Variants in UGT1A10 observed in about 807,000 individuals in gnomAD.
The protein encoded by UGT1A10 is UDP glucuronosyltransferase family 1 member A10, also known as UDP-glucuronosyltransferase 1A10.
UGT1A10 carries 49 observed loss-of-function variants against 45.8 expected under a neutral mutation model. That is an observed-to-expected ratio of 1.07 (90% CI 0.85 to 1.36). The LOEUF (loss-of-function observed/expected upper bound fraction) is 1.36, where lower values mean the gene tolerates loss of function less well. UGT1A10 is among the 40% of genes most tolerant of loss of function. The pLI, the probability that UGT1A10 is intolerant of heterozygous loss-of-function variation, is 0.00. For synonymous variants in UGT1A10, 284 were observed against 249.7 expected (o/e 1.14, Z -1.29); for missense variants, 745 against 668.6 (o/e 1.11, Z -1.26).
At position 233,681,928 on chromosome 2, in the gene UGT1A10, A is replaced by C. The variant is rs758972626; in HGVS notation, c.855+44551A>C. 3.7e-6 allele frequency: 6 copies of C among 1,610,014 alleles called. No individual in the cohort carries two copies. In the African/African-American group the frequency reaches 8.0e-5, roughly 22 times the overall value. ...AATCCCAGCTGCTGGCTCTGGGCTG[A>C]AGTTCTCTGATGGCTCGTGCAGGGT... On this transcript the variant is annotated intron_variant, in intron 1 of 4. Coordinates refer to ENST00000344644, the MANE Select transcript of UGT1A10 (RefSeq NM_019075.4).
chr2:233,683,467 A>G (rs2074635741), intron 1 of UGT1A10, among the ~76,000 whole-genome samples: 1 of 152,064 alleles, frequency 6.6e-6, no homozygotes, highest in Non-Finnish European at 1.5e-5. Flanking sequence ...TACATTATAT[A>G]TATTTTCATA....
chr2:233,768,466 T>G (rs1161223448), intron 4 of UGT1A10, 27 bp downstream of exon 4: 2 of 1,605,760 alleles, frequency 1.2e-6, no homozygotes, highest in South Asian at 2.2e-5. Flanking sequence ...AGAAGAATAC[T>G]TTGGTCATGG....
intron 1 of UGT1A10, among the ~76,000 whole-genome samples, chr2:233,674,694 T>C (rs2074293293): frequency 6.6e-6 from 1 of 152,212 alleles, no homozygotes. Flanking sequence ...TATTAAAGAA[T>C]ATGGATGTAT....
chr2:233,682,042 G>T, intron 1 of UGT1A10: 1 of 1,614,092 alleles, frequency 6.2e-7, no homozygotes. Flanking sequence ...CCATGGATGG[G>T]AGCCACTGGT....
intron 1 of UGT1A10, among the ~76,000 whole-genome samples, chr2:233,650,308 G>A (rs1361771568): frequency 6.6e-6 from 1 of 152,156 alleles, no homozygotes; most frequent in Admixed American, 6.6e-5. Flanking sequence ...TCCATTGAAG[G>A]GTTTGTTCTT....
At chr2:233,642,155 T>C (rs889473372) in intron 1 of UGT1A10, among the ~76,000 whole-genome samples, 2 of 152,226 alleles carry the variant, frequency 1.3e-5, no homozygotes, top group African/African-American at 4.8e-5. Context: ...TTTGCCCCTT[T>C]GAGGCTATTT....
rs1559370464 is a variant in UGT1A10 at position 233,725,249 on chromosome 2, GGAGGCAGAGGCAGAGGAGGCAGAGGCA to G, written c.856-41768_856-41742del. Among the ~76,000 whole-genome samples, 7 of 48,520 alleles carry G rather than the reference GGAGGCAGAGGCAGAGGAGGCAGAGGCA, an allele frequency of 1.4e-4. 2 individuals carry two copies. The highest frequency in any genetic ancestry group is 4.8e-4 in the East Asian group (1 of 2,098). The allele number at this position is 48,520 out of a possible 152,430, so 31.8% of individuals were successfully genotyped here. On this transcript the variant is annotated intron_variant, in intron 1 of 4. Coordinates refer to ENST00000344644, the MANE Select transcript of UGT1A10 (RefSeq NM_019075.4). ...CAGAGGCAGAGGAGGCAGAGGCAGA[GGAGGCAGAGGCAGAGGAGGCAGAGGCA>G]GAGGCAGAGGCAGAGGCAGAGGCAG...
intron 1 of UGT1A10, chr2:233,719,249 T>C: frequency 1.2e-6 from 2 of 1,614,200 alleles, no homozygotes; most frequent in South Asian, 2.2e-5. Flanking sequence ...ACCTGAATGC[T>C]ACTTCCTTTG....
In UGT1A10 at chr2:233,769,425, C is replaced by T; in HGVS notation, c.1295+986C>T. ...TGTGCGTGTGCGTTTGTGCATGTGGCTGTGCTCATGTGTGGGTGCACACGT... is the reference window on the plus strand; with the variant it reads ...TGTGCGTGTGCGTTTGTGCATGTGGTTGTGCTCATGTGTGGGTGCACACGT... On this transcript the variant is annotated intron_variant, in intron 4 of 4. Transcript: ENST00000344644. The surrounding 1 kb of genome is among the most constrained non-coding windows in gnomAD (Gnocchi z 4.4). The T allele has an allele frequency of 6.7e-7, 1 of 1,487,732 alleles. No homozygotes were observed. Among genetic ancestry groups the T allele is most frequent in the Non-Finnish European group, 9.3e-7 (1 of 1,075,832 alleles). 92.2% of individuals were successfully genotyped at this position (1,487,732 alleles called of 1,614,324 possible). A position where few individuals can be genotyped will look rare whatever the true frequency, so the allele number is the denominator to read the frequency against.
intron 1 of UGT1A10, among the ~76,000 whole-genome samples, chr2:233,700,285 C>T (rs1355294165): frequency 6.6e-6 from 1 of 152,200 alleles, no homozygotes; most frequent in Non-Finnish European, 1.5e-5. Flanking sequence ...TTTTAAAATA[C>T]GTGACTTAGG....
intron 1 of UGT1A10, among the ~76,000 whole-genome samples, chr2:233,733,630 C>T (rs2078422347): frequency 6.6e-6 from 1 of 152,174 alleles, no homozygotes; most frequent in Non-Finnish European, 1.5e-5. Context: ...ATATGTTGAA[C>T]CAGCCTTGCA....
In UGT1A10 at chr2:233,760,262, G is replaced by A. The variant is rs547805333; in HGVS notation, c.856-6772G>A. 2.2e-5 allele frequency: 35 copies of A among 1,611,676 alleles called. No individual in the cohort carries two copies. In the South Asian group the frequency reaches 3.4e-4, roughly 16 times the overall value. ...TATATATATATAAGTAGGAGAGGGC[G>A]AACCTCTGGCAGGAGCAAAGGCGCC... On this transcript the variant is annotated intron_variant, in intron 1 of 4. Transcript: ENST00000344644.
intron 1 of UGT1A10, chr2:233,743,965 G>A (rs1040596623): frequency 9.0e-6 from 12 of 1,330,234 alleles, no homozygotes; most frequent in Non-Finnish European, 1.0e-5. Context: ...CGAGCGGCAA[G>A]GCTGCCAGCA....
chr2:233,709,425 C>A (rs1055346708), intron 1 of UGT1A10, among the ~76,000 whole-genome samples: 1 of 152,240 alleles, frequency 6.6e-6, no homozygotes, highest in South Asian at 2.1e-4. Flanking sequence ...AGAATGTCCT[C>A]CAGAAAGGAT....
At chr2:233,703,770 A>T (rs919739679) in intron 1 of UGT1A10, among the ~76,000 whole-genome samples, 14 of 151,732 alleles carry the variant, frequency 9.2e-5, no homozygotes, top group African/African-American at 3.1e-4. Flanking sequence ...TGCAGACAAG[A>T]TATTATTAGT....
intron 1 of UGT1A10, among the ~76,000 whole-genome samples, chr2:233,667,387 T>C (rs188624953): frequency 0.04 from 6,107 of 152,302 alleles, 145 homozygotes; most frequent in Non-Finnish European, 0.058. Flanking sequence ...TAATTCAAGA[T>C]GGATTAAAGA....
chr2:233,771,260 CT>C (rs891018282), intron 4 of UGT1A10: 2 of 151,568 alleles, frequency 1.3e-5, no homozygotes, highest in Non-Finnish European at 1.5e-5. Context: ...ATAGGAGTGC[CT>C]TTTTTTTTCT....
intron 1 of UGT1A10, among the ~76,000 whole-genome samples, chr2:233,680,261 A>G (rs895381633): frequency 2.0e-5 from 3 of 152,190 alleles, no homozygotes; most frequent in African/African-American, 7.2e-5. Flanking sequence ...AACATGATGA[A>G]AAATACAGTA....
intron 1 of UGT1A10, chr2:233,713,887 T>G (rs1373894337): frequency 1.9e-6 from 3 of 1,613,356 alleles, no homozygotes; most frequent in Non-Finnish European, 2.5e-6. Context: ...ATCCAATCAA[T>G]GTTCCAGGCA....
Sources: allele counts gnomAD v4.1 joint callset (sites outside exome capture counted in the v4.1 genomes callset), GRCh38; gene constraint gnomAD v4.1.1; non-coding constraint Gnocchi (gnomAD v3.1); transcripts MANE v1.5; gene names NCBI Gene and HGNC (gene_info 2026-07-23, HGNC 2026-07-21).